The following TIMP2 variants were observed in gnomAD, a reference collection of about 807,000 sequenced individuals.
TIMP2 encodes TIMP metallopeptidase inhibitor 2.
TIMP2 carries 5 observed loss-of-function variants against 24.3 expected under a neutral mutation model. The ratio of observed to expected loss-of-function variants is 0.21; its 90% CI spans 0.11 to 0.43. The LOEUF is 0.43. Ranked by LOEUF, TIMP2 falls within the 20% of genes least tolerant of loss-of-function variation. The pLI is 1.00. For missense variants in TIMP2, 221 were observed against 297.5 expected, an observed-to-expected ratio of 0.74 and a Z score of 1.89; for synonymous variants, 130 against 123.2, an observed-to-expected ratio of 1.06 and a Z score of -0.37.
intron 2 of TIMP2, among the ~76,000 whole-genome samples, chr17:78,872,031 A>C (rs2145754569): frequency 6.6e-6 from 1 of 151,660 alleles, no homozygotes; most frequent in South Asian, 2.1e-4. Flanking sequence ...TATTTTTTTG[A>C]GATAGGGTCT....
chr17:78,856,539 G>A (rs2069526012), intron 4 of TIMP2: 1 of 152,982 alleles, frequency 6.5e-6, no homozygotes, highest in African/African-American at 2.4e-5. Context: ...CACTGGGAGT[G>A]ACCCAGGGTG....
At chr17:78,869,549 G>A (rs1242194501) in intron 3 of TIMP2, among the ~76,000 whole-genome samples, 5 of 152,158 alleles carry the variant, frequency 3.3e-5, no homozygotes, top group African/African-American at 9.7e-5. Flanking sequence ...GGTGGCTCAC[G>A]CCTGTAATCC....
intron 1 of TIMP2, among the ~76,000 whole-genome samples, chr17:78,887,926 C>T (rs536418338): frequency 4.6e-5 from 7 of 152,146 alleles, no homozygotes; most frequent in Admixed American, 1.3e-4. Context: ...AGCTCATACA[C>T]GCGATGAGGA....
intron 4 of TIMP2, chr17:78,856,080 C>A (rs1463579648): frequency 4.8e-5 from 28 of 587,790 alleles, no homozygotes; most frequent in Non-Finnish European, 7.9e-5. Flanking sequence ...ACCGCTGCCC[C>A]CCCTCCTACT....
At chr17:78,912,021 GCC>G (rs1394484697) in intron 1 of TIMP2, among the ~76,000 whole-genome samples, 1 of 151,580 alleles carries the variant, frequency 6.6e-6, no homozygotes, top group Non-Finnish European at 1.5e-5. Context: ...CCAAGATTGT[GCC>G]ACTGCACTCC....
At chr17:78,866,491 T>C (rs1330372154) in intron 3 of TIMP2, among the ~76,000 whole-genome samples, 1 of 151,758 alleles carries the variant, frequency 6.6e-6, no homozygotes, top group Admixed American at 6.6e-5. Context: ...TGGTTAAACC[T>C]AAAGTCACCC....
At chr17:78,872,059 T>C (rs185240299) in intron 2 of TIMP2, among the ~76,000 whole-genome samples, 13 of 151,914 alleles carry the variant, frequency 8.6e-5, no homozygotes, top group East Asian at 7.8e-4. Flanking sequence ...TTGCTCAGGC[T>C]GGGGCTGCAA....
intron 3 of TIMP2, among the ~76,000 whole-genome samples, chr17:78,863,137 C>T (rs1021368412): frequency 3.3e-5 from 5 of 152,216 alleles, no homozygotes; most frequent in African/African-American, 4.8e-5. Flanking sequence ...CAAAGTGTGC[C>T]CCACAGTGGG....
chr17:78,922,686 G>T (rs2070316791), intron 1 of TIMP2, among the ~76,000 whole-genome samples: 1 of 152,210 alleles, frequency 6.6e-6, no homozygotes, highest in East Asian at 1.9e-4. Flanking sequence ...GGGTGTGGTG[G>T]CAGGTGCCTG....
chr17:78,879,980 G>A (rs994999655), intron 1 of TIMP2, among the ~76,000 whole-genome samples: 3 of 152,038 alleles, frequency 2.0e-5, no homozygotes, highest in Non-Finnish European at 2.9e-5. Flanking sequence ...GATGGGCTAC[G>A]GTCAGACTTC....
At chr17:78,894,300 C>T (rs987138142) in intron 1 of TIMP2, among the ~76,000 whole-genome samples, 2 of 151,980 alleles carry the variant, frequency 1.3e-5, no homozygotes, top group African/African-American at 2.4e-5. Flanking sequence ...GCTGCTTGGA[C>T]GAACCCCAGC....
chr17:78,910,141 A>G (rs575137285), intron 1 of TIMP2, among the ~76,000 whole-genome samples: 88 of 152,060 alleles, frequency 5.8e-4, no homozygotes, highest in Non-Finnish European at 1.1e-3. Flanking sequence ...GGAACATTCA[A>G]TGTCCTCCGA....
At chr17:78,881,477 C>T (rs2069779881) in intron 1 of TIMP2, among the ~76,000 whole-genome samples, 1 of 152,250 alleles carries the variant, frequency 6.6e-6, no homozygotes, top group Non-Finnish European at 1.5e-5. Context: ...CCCACAGTGG[C>T]AATGAAGACC....
chr17:78,890,894 TC>T, intron 1 of TIMP2: 1 of 1,550,726 alleles, frequency 6.4e-7, no homozygotes, highest in Non-Finnish European at 8.7e-7. Context: ...TTTTTCTAGC[TC>T]AGCTTTGTAG....
At chr17:78,866,008 C>CA (rs1336410104) in intron 3 of TIMP2, among the ~76,000 whole-genome samples, 18 of 144,792 alleles carry the variant, frequency 1.2e-4, no homozygotes, top group Admixed American at 1.2e-3. Context: ...TGGATAGGAA[C>CA]AAACAGGATG....
chr17:78,883,252 C>A (rs1179846767), intron 1 of TIMP2, among the ~76,000 whole-genome samples: 1 of 152,086 alleles, frequency 6.6e-6, no homozygotes, highest in Non-Finnish European at 1.5e-5. Context: ...GGTGTAGACA[C>A]CGGAAGTGAA....
chr17:78,870,854 C>T (rs775278529), intron 3 of TIMP2, 44 bp downstream of exon 3: 9 of 1,560,696 alleles, frequency 5.8e-6, no homozygotes, highest in Non-Finnish European at 7.9e-6. Flanking sequence ...GGAACAGCCC[C>T]ACTTCTGTGC....
chr17:78,906,758 T>A (rs1034418033), intron 1 of TIMP2, among the ~76,000 whole-genome samples: 1 of 151,524 alleles, frequency 6.6e-6, no homozygotes, highest in African/African-American at 2.4e-5. Flanking sequence ...AATTTTTGTA[T>A]TTTTGGTAGA....
At chr17:78,864,931 G>A (rs1035275985) in intron 3 of TIMP2, among the ~76,000 whole-genome samples, 2 of 152,094 alleles carry the variant, frequency 1.3e-5, no homozygotes, top group African/African-American at 4.8e-5. Context: ...GTGCATGCCT[G>A]TAACCTCAGC....
Sources: gnomAD v4.1 joint callset for allele counts (sites outside exome capture counted in the v4.1 genomes callset) on GRCh38, gnomAD v4.1.1 for gene constraint, MANE v1.5 for transcripts, NCBI Gene and HGNC (gene_info 2026-07-23, HGNC 2026-07-21) for gene names.